The following MBOAT1 variants were observed in gnomAD, a reference collection of about 807,000 sequenced individuals.
MBOAT1 encodes membrane-bound glycerophospholipid O-acyltransferase 1.
In MBOAT1, 67 loss-of-function variants were observed where a neutral mutation model predicts 64.4. The ratio of observed to expected loss-of-function variants is 1.04; its 90% CI spans 0.85 to 1.27. The LOEUF is 1.27. MBOAT1 is among the 50% of genes most tolerant of loss of function. The pLI is 0.00. For missense variants in MBOAT1, 563 were observed against 604.6 expected (o/e 0.93, Z 0.72); for synonymous variants, 229 against 218.9 (o/e 1.05, Z -0.41).
At chr6:20,189,088 G>A (rs1228416339) in intron 1 of MBOAT1, among the ~76,000 whole-genome samples, 1 of 152,134 alleles carries the variant, frequency 6.6e-6, no homozygotes, top group Non-Finnish European at 1.5e-5. Context: ...AGAAGATCCT[G>A]ATGGTGATCA....
At position 20,173,907 on chromosome 6, in the gene MBOAT1, G is replaced by A. The variant is rs181824519; in HGVS notation, c.100-21138C>T. Among the ~76,000 whole-genome samples the A allele has an allele frequency of 3.7e-3, 567 of 152,272 alleles. 2 individuals carry two copies. Among genetic ancestry groups the A allele is most frequent in the Non-Finnish European group, 4.4e-3 (302 of 68,014 alleles). ...TAGAAGTTGCAGTGGCCGGGATCAC[G>A]CCACTGCACTCCAGCCTAGGCAACA... On this transcript the variant is annotated intron_variant, in intron 1 of 12. Transcript: ENST00000324607.
intron 11 of MBOAT1, among the ~76,000 whole-genome samples, chr6:20,112,415 C>T (rs1760196347): frequency 6.6e-6 from 1 of 152,188 alleles, no homozygotes; most frequent in Admixed American, 6.5e-5. Flanking sequence ...AACAGACTCA[C>T]TTCCCGTGGC....
intron 1 of MBOAT1, among the ~76,000 whole-genome samples, chr6:20,185,147 G>A (rs1177865506): frequency 6.6e-6 from 1 of 152,006 alleles, no homozygotes; most frequent in African/African-American, 2.4e-5. Flanking sequence ...CTACTCAGGA[G>A]GGTGAGGTGG....
intron 4 of MBOAT1, among the ~76,000 whole-genome samples, chr6:20,133,096 A>G (rs545738936): frequency 6.6e-6 from 1 of 152,256 alleles, no homozygotes; most frequent in Non-Finnish European, 1.5e-5. Flanking sequence ...CCAAATTTAT[A>G]TCTTATTTGC....
At chr6:20,203,732 G>GA (rs1390146080) in intron 1 of MBOAT1, among the ~76,000 whole-genome samples, 1 of 150,872 alleles carries the variant, frequency 6.6e-6, no homozygotes, top group African/African-American at 2.4e-5. Context: ...CAACAGACCA[G>GA]ACCAAACCAG....
rs80284069 is a variant in MBOAT1, at chr6:20,102,208, C to T, written c.*78G>A. 1.3e-3 allele frequency: 1,866 copies of T among 1,490,660 alleles called. 40 individuals carry two copies. In the East Asian group the frequency reaches 0.041, roughly 33 times the overall value. 92.3% of individuals were successfully genotyped at this position (1,490,660 alleles called of 1,614,324 possible). ...CATGTAAACATCGCCTCTAAGCCAC[C>T]GGAGGAGCCCTTGAAGCCTTGTCAT... On this transcript the variant is annotated 3_prime_UTR_variant, in exon 13 of 13. Transcript: ENST00000324607.
chr6:20,198,106 TA>T (rs1428406666), intron 1 of MBOAT1, among the ~76,000 whole-genome samples: 1 of 151,666 alleles, frequency 6.6e-6, no homozygotes, highest in Non-Finnish European at 1.5e-5. Flanking sequence ...CAGGTGCTTG[TA>T]ATCCCAGCTA....
At chr6:20,150,553 T>C (rs114844983) in intron 3 of MBOAT1, among the ~76,000 whole-genome samples, 1 of 151,136 alleles carries the variant, frequency 6.6e-6, no homozygotes, top group Non-Finnish European at 1.5e-5. Context: ...TATTTTCTTT[T>C]TCTTTTTCCT....
chr6:20,163,486 C>G (rs994365555), intron 1 of MBOAT1, among the ~76,000 whole-genome samples: 1 of 152,056 alleles, frequency 6.6e-6, no homozygotes, highest in African/African-American at 2.4e-5. Context: ...TTTTGATGTG[C>G]TTTGAGGCTT....
At chr6:20,123,857 C>A (rs565015723) in intron 8 of MBOAT1, among the ~76,000 whole-genome samples, 3 of 152,098 alleles carry the variant, frequency 2.0e-5, no homozygotes, top group Admixed American at 2.0e-4. Context: ...GAGATCGAGA[C>A]CATCCTGGCT....
At position 20,100,467 on chromosome 6, in the gene MBOAT1, G is replaced by C. The variant is rs2235141; in HGVS notation, c.*1819C>G. ...GTTGCCCCAAGATTTCCTTGTTAAA[G>C]TGGGGTGAGACTCATGCACTAGCTC... is the stretch of plus-strand genomic sequence containing the variant. On this transcript the variant is annotated 3_prime_UTR_variant, in exon 13 of 13. Transcript: ENST00000324607. Among the ~76,000 whole-genome samples, 76 of 152,230 alleles carry C rather than the reference G, an allele frequency of 5.0e-4. No homozygotes were observed. The East Asian group carries it at 0.013, about 26-fold the overall frequency.
intron 4 of MBOAT1, among the ~76,000 whole-genome samples, chr6:20,136,750 G>C (rs905914452): frequency 1.3e-5 from 2 of 152,096 alleles, no homozygotes; most frequent in African/African-American, 4.8e-5. Context: ...CTTTTAACAC[G>C]CATGCAAATA....
Position 20,152,779 on chromosome 6 carries a change from G to A in MBOAT1, c.100-10C>T. 6.3e-7 allele frequency: 1 copy of A among 1,592,824 alleles called. No homozygotes were observed. The highest frequency in any genetic ancestry group is 8.5e-7 in the Non-Finnish European group (1 of 1,170,524). On this transcript the variant is annotated splice_polypyrimidine_tract_variant and intron_variant, in intron 1 of 12. Coordinates refer to ENST00000324607, the MANE Select transcript of MBOAT1 (RefSeq NM_001080480.3). Reference sequence around the variant, plus strand: ...ATACCACAAAATTCACCTGTGGCAGGGGAAGAGAAAATAAAAACCTTTGTG... The same window carrying A: ...ATACCACAAAATTCACCTGTGGCAGAGGAAGAGAAAATAAAAACCTTTGTG...
intron 3 of MBOAT1, among the ~76,000 whole-genome samples, chr6:20,149,648 G>A (rs1448439809): frequency 3.3e-5 from 5 of 151,948 alleles, no homozygotes; most frequent in Non-Finnish European, 5.9e-5. Flanking sequence ...CTTCAAGCAG[G>A]GCACTGAGAA....
intron 1 of MBOAT1, among the ~76,000 whole-genome samples, chr6:20,168,500 A>AGGG (rs778566111): frequency 9.2e-6 from 1 of 109,052 alleles, no homozygotes; most frequent in Non-Finnish European, 1.8e-5. Flanking sequence ...ACAGAGAGAG[A>AGGG]GAGAGAGGAG....
chr6:20,100,018 C>T lies in MBOAT1; in HGVS notation c.*2268G>A, dbSNP rs1327189040. Among the ~76,000 whole-genome samples, 2 of 152,196 alleles carry T rather than the reference C, an allele frequency of 1.3e-5. No homozygotes were observed. The highest frequency in any genetic ancestry group is 2.9e-5 in the Non-Finnish European group (2 of 68,038). On this transcript the variant is annotated 3_prime_UTR_variant, in exon 13 of 13. Transcript: ENST00000324607. Reference sequence around the variant, plus strand: ...AGCTCAACTCCTAGAGGTTTGACTTCTCCTCATCCCATAAGGAGTAATCAA... The same window carrying T: ...AGCTCAACTCCTAGAGGTTTGACTTTTCCTCATCCCATAAGGAGTAATCAA...
Position 20,101,229 on chromosome 6 carries a change from G to A in MBOAT1, c.*1057C>T, listed in dbSNP as rs1016991726. On this transcript the variant is annotated 3_prime_UTR_variant, in exon 13 of 13. Coordinates refer to ENST00000324607, the MANE Select transcript of MBOAT1 (RefSeq NM_001080480.3). Reference sequence around the variant, plus strand: ...GGGTGTCTTCTCAAGACCAACCCCGGGCAAGCAGGTGGCGCCTGTGAAATG... The same window carrying A: ...GGGTGTCTTCTCAAGACCAACCCCGAGCAAGCAGGTGGCGCCTGTGAAATG... Among the ~76,000 whole-genome samples, 3 of 152,168 alleles carry A rather than the reference G, an allele frequency of 2.0e-5. No homozygotes were observed. Among genetic ancestry groups the A allele is most frequent in the African/African-American group, 7.2e-5 (3 of 41,448 alleles).
intron 1 of MBOAT1, among the ~76,000 whole-genome samples, chr6:20,185,698 C>T (rs543295800): frequency 7.2e-5 from 11 of 152,240 alleles, no homozygotes; most frequent in Non-Finnish European, 1.6e-4. Context: ...CAGTGTCCAA[C>T]ATATGGCAAC....
At chr6:20,187,385 C>T (rs1314407249) in intron 1 of MBOAT1, among the ~76,000 whole-genome samples, 1 of 152,208 alleles carries the variant, frequency 6.6e-6, no homozygotes. Flanking sequence ...TACAACACAT[C>T]CTGCACAAGC....
Sources: allele counts gnomAD v4.1 joint callset (sites outside exome capture counted in the v4.1 genomes callset), GRCh38; gene constraint gnomAD v4.1.1; transcripts MANE v1.5; gene names NCBI Gene and HGNC (gene_info 2026-07-23, HGNC 2026-07-21).